ANKS1A: variants seen among roughly 807,000 people sequenced by gnomAD.
ANKS1A encodes the protein ankyrin repeat and sterile alpha motif domain containing 1A, also known as ankyrin repeat and SAM domain-containing protein 1A.
A neutral mutation model predicts 120.3 loss-of-function variants in ANKS1A; 55 were observed. That is an observed-to-expected ratio of 0.46 (90% CI 0.37 to 0.57). The LOEUF (loss-of-function observed/expected upper bound fraction) is 0.57. Among genes scored for constraint, ANKS1A ranks in the 20% least tolerant of loss-of-function variants. The pLI is 0.00. For synonymous variants in ANKS1A, 590 were observed against 604.7 expected (o/e 0.98, Z 0.36); for missense variants, 1,123 against 1,480.3 (o/e 0.76, Z 3.96).
chr6:35,097,857 GA>G, the ANKS1A span, among the ~76,000 whole-genome samples: 1 of 152,098 alleles, frequency 6.6e-6, no homozygotes, highest in South Asian at 2.1e-4. Context: ...CAGAAAAAAG[GA>G]AAAGGATGAA....
Position 35,017,708 on chromosome 6 carries a change from A to C in ANKS1A, c.1659A>C (p.Gly553=), listed in dbSNP as rs2127558327. The C allele has an allele frequency of 1.2e-6, 2 of 1,613,958 alleles. No homozygotes were observed. Among genetic ancestry groups the C allele is most frequent in the Non-Finnish European group, 1.7e-6 (2 of 1,180,026 alleles). The change falls in exon 11 of 24, where the codon GGA becomes GGC. Residue 553 remains glycine (G), a synonymous_variant. Transcript: ENST00000360359. Reference sequence around the variant, plus strand: ...AGGAGACGGGTGTGCATGCTCCTGGAGCCTCCCAGCCCAGTGCCCTGGACC... The same window carrying C: ...AGGAGACGGGTGTGCATGCTCCTGGCGCCTCCCAGCCCAGTGCCCTGGACC... ...QLEETGVHAP[G]ASQPSALDQS... is the part of the protein sequence containing the mutation.
At chr6:34,992,999 T>C (rs1772656958) in intron 9 of ANKS1A, among the ~76,000 whole-genome samples, 1 of 152,180 alleles carries the variant, frequency 6.6e-6, no homozygotes, top group Non-Finnish European at 1.5e-5. Flanking sequence ...GAAATCTCTG[T>C]GTTTGCCAAG....
chr6:35,094,874 C>T (rs911677898), downstream of ANKS1A, among the ~76,000 whole-genome samples: 4 of 152,122 alleles, frequency 2.6e-5, no homozygotes, highest in Non-Finnish European at 5.9e-5. Flanking sequence ...GGTATTGTGG[C>T]TCATGTCTGT....
At chr6:35,065,154 G>A (rs554539126) in intron 13 of ANKS1A, among the ~76,000 whole-genome samples, 51 of 152,240 alleles carry the variant, frequency 3.3e-4, no homozygotes, top group Non-Finnish European at 5.4e-4. Context: ...CTTTTAGCAA[G>A]TGAGACAAGG....
At chr6:34,990,460 A>G (rs528754721) in intron 9 of ANKS1A, among the ~76,000 whole-genome samples, 1 of 150,910 alleles carries the variant, frequency 6.6e-6, no homozygotes, top group South Asian at 2.1e-4. Context: ...ATATTTTTAT[A>G]TAAATAGAAG....
intron 1 of ANKS1A, among the ~76,000 whole-genome samples, chr6:34,890,237 G>T (rs1395751372): frequency 6.6e-6 from 1 of 151,878 alleles, no homozygotes; most frequent in Non-Finnish European, 1.5e-5. Flanking sequence ...GATTACAGGC[G>T]CCCGCCACGA....
chr6:34,896,692 C>T (rs1405428280), intron 1 of ANKS1A, among the ~76,000 whole-genome samples: 1 of 152,074 alleles, frequency 6.6e-6, no homozygotes, highest in Non-Finnish European at 1.5e-5. Context: ...AGGCCAGGCG[C>T]AGTGGCTCAC....
At chr6:34,977,666 T>C (rs560345380) in intron 3 of ANKS1A, among the ~76,000 whole-genome samples, 115 of 152,262 alleles carry the variant, frequency 7.6e-4, no homozygotes, top group African/African-American at 2.5e-3. Context: ...TGGATCAGAG[T>C]TCTGCTTTCC....
In ANKS1A at chr6:35,067,151, CATT is replaced by C. The variant is rs370179042; in HGVS notation, c.2184+6903_2184+6905del. On this transcript the variant is annotated intron_variant, in intron 13 of 23. Coordinates refer to ENST00000360359, the MANE Select transcript of ANKS1A (RefSeq NM_015245.3). ...AGGGAGCATGGCTTCTATTTCCCAT[CATT>C]ATTAAGAATTGGGGCCATAGTGGTG... Among the ~76,000 whole-genome samples the C allele has an allele frequency of 3.4e-4, 52 of 152,252 alleles. No individual in the cohort carries two copies. The South Asian group carries it at 9.8e-3, about 29-fold the overall frequency.
chr6:34,899,999 G>A (rs1767269551), intron 1 of ANKS1A, among the ~76,000 whole-genome samples: 1 of 152,256 alleles, frequency 6.6e-6, no homozygotes, highest in African/African-American at 2.4e-5. Context: ...GTGTATGTGT[G>A]TATTTGGGAT....
intron 1 of ANKS1A, among the ~76,000 whole-genome samples, chr6:34,898,180 A>AT (rs1334055618): frequency 1.3e-5 from 2 of 152,214 alleles, no homozygotes; most frequent in Non-Finnish European, 2.9e-5. Context: ...TGTTAAGGAC[A>AT]TATCTTTTAT....
In ANKS1A at chr6:35,051,203, AAAAAG is replaced by A. The variant is rs560713644; in HGVS notation, c.2011-2882_2011-2878del. On this transcript the variant is annotated intron_variant, in intron 11 of 23. Coordinates refer to ENST00000360359, the MANE Select transcript of ANKS1A (RefSeq NM_015245.3). ...AGCAAGACCATGTCTCAAAGAAAAA[AAAAAG>A]AAAAGAAAAGAAACCTGGGCTTCTG... Among the ~76,000 whole-genome samples, 345 of 152,206 alleles carry A rather than the reference AAAAAG, an allele frequency of 2.3e-3. 2 individuals are homozygous for A. Among genetic ancestry groups the A allele is most frequent in the African/African-American group, 7.4e-3 (308 of 41,508 alleles).
chr6:34,994,098 T>C (rs1772717749), intron 9 of ANKS1A, among the ~76,000 whole-genome samples: 1 of 152,186 alleles, frequency 6.6e-6, no homozygotes, highest in African/African-American at 2.4e-5. Flanking sequence ...GGGTGTATTC[T>C]AATCAAAGGC....
chr6:35,090,747 G>C lies in ANKS1A; in HGVS notation c.*2138G>C, dbSNP rs1778255619. On this transcript the variant is annotated 3_prime_UTR_variant, in exon 24 of 24. Transcript: ENST00000360359. ...CTACTTTTGCACTTCTCCAAGTGCA[G>C]GTCACACCAGGGGCAGACCCTGTCG... The C allele has an allele frequency of 3.0e-6, 3 of 987,294 alleles. No individual in the cohort carries two copies. The highest frequency in any genetic ancestry group is 3.6e-6 in the Non-Finnish European group (3 of 831,414). The allele number at this position is 987,294 out of a possible 1,614,324, so 61.2% of individuals were successfully genotyped here.
In ANKS1A at chr6:35,082,255, T is replaced by G. The variant is rs538071434; in HGVS notation, c.2710-436T>G. 2.6e-5 allele frequency among the ~76,000 whole-genome samples: 4 copies of G among 152,030 alleles called. No individual in the cohort carries two copies. Among genetic ancestry groups the G allele is most frequent in the African/African-American group, 7.2e-5 (3 of 41,500 alleles). ...TCCTAGGCACGGGCGGGTGCTTCAC[T>G]GGCTTCCCCGCTGTGAAGATCCCTC... On this transcript the variant is annotated intron_variant, in intron 17 of 23. Coordinates refer to ENST00000360359, the MANE Select transcript of ANKS1A (RefSeq NM_015245.3). The surrounding 1 kb of genome is among the most constrained non-coding windows in gnomAD (Gnocchi z 4.1).
downstream of ANKS1A, among the ~76,000 whole-genome samples, chr6:35,094,389 G>A (rs180904826): frequency 6.0e-4 from 90 of 151,116 alleles, no homozygotes; most frequent in Admixed American, 4.3e-3. Context: ...GCAATGAGCC[G>A]AGATTGCGTC....
intron 11 of ANKS1A, among the ~76,000 whole-genome samples, chr6:35,036,172 G>T (rs769701379): frequency 5.3e-5 from 8 of 152,166 alleles, no homozygotes; most frequent in Non-Finnish European, 1.0e-4. Flanking sequence ...ACCTTTAATT[G>T]TGGCATTCAT....
chr6:35,071,396 A>T (rs563215638), intron 13 of ANKS1A, among the ~76,000 whole-genome samples: 1 of 152,258 alleles, frequency 6.6e-6, no homozygotes, highest in South Asian at 2.1e-4. Context: ...GCGATGCCAT[A>T]CTGGAGTCAG....
chr6:34,970,408 C>T (rs1341828481), intron 3 of ANKS1A, among the ~76,000 whole-genome samples: 1 of 152,160 alleles, frequency 6.6e-6, no homozygotes, highest in African/African-American at 2.4e-5. Context: ...ATGCATTTGA[C>T]TCATGCATAT....
Sources: gnomAD v4.1 joint callset for allele counts (sites outside exome capture counted in the v4.1 genomes callset) on GRCh38, gnomAD v4.1.1 for gene constraint, Gnocchi (gnomAD v3.1) non-coding constraint, MANE v1.5 for transcripts, NCBI Gene and HGNC (gene_info 2026-07-23, HGNC 2026-07-21) for gene names.